The following CNST variants were observed in gnomAD, a reference collection of about 807,000 sequenced individuals.
CNST encodes the protein consortin, connexin sorting protein.
A neutral mutation model predicts 72.4 loss-of-function variants in CNST; 39 were observed. The observed-to-expected ratio is 0.54, with a 90% CI of 0.42 to 0.70. The LOEUF (loss-of-function observed/expected upper bound fraction) is 0.70, where lower values mean the gene tolerates loss of function less well. Among genes scored for constraint, CNST ranks in the 30% least tolerant of loss-of-function variants. CNST has a pLI of 0.00. For synonymous variants in CNST, 332 were observed against 320.1 expected, an observed-to-expected ratio of 1.04 and a Z score of -0.40; for missense variants, 871 against 868.5, an observed-to-expected ratio of 1.00 and a Z score of -0.04.
chr1:246,659,013 G>C (rs936593231), intron 9 of CNST, among the ~76,000 whole-genome samples: 1 of 152,190 alleles, frequency 6.6e-6, no homozygotes, highest in African/African-American at 2.4e-5. Context: ...ATAGGCAGGA[G>C]AGAGGCAGCC....
intron 6 of CNST, among the ~76,000 whole-genome samples, chr1:246,636,561 A>G (rs548984234): frequency 2.0e-5 from 3 of 152,256 alleles, no homozygotes; most frequent in East Asian, 1.9e-4. Context: ...AGGGATGGAA[A>G]TACCACGGGT....
rs1667440153 is a variant in CNST, at chr1:246,667,623, C to A, written c.*1718C>A. Reference sequence around the variant, plus strand: ...TTTATTAGAAGATTATTTTAATGTTCTATTATAAATTTTAAGAATTTGTAT... The same window carrying A: ...TTTATTAGAAGATTATTTTAATGTTATATTATAAATTTTAAGAATTTGTAT... On this transcript the variant is annotated 3_prime_UTR_variant, in exon 11 of 11. Coordinates refer to ENST00000366513, the MANE Select transcript of CNST (RefSeq NM_152609.3). 6.6e-6 allele frequency: 1 copy of A among 151,998 alleles called. No homozygotes were observed. The highest frequency in any genetic ancestry group is 6.5e-5 in the Admixed American group (1 of 15,268). 9.4% of individuals were successfully genotyped at this position (151,998 alleles called of 1,614,324 possible).
chr1:246,589,423 G>T (rs1480722293), intron 1 of CNST, among the ~76,000 whole-genome samples: 1 of 151,198 alleles, frequency 6.6e-6, no homozygotes, highest in Non-Finnish European at 1.5e-5. Flanking sequence ...CTTCATCCAT[G>T]TCCCTACAAA....
chr1:246,658,033 G>GT (rs1185013803), intron 9 of CNST, among the ~76,000 whole-genome samples: 15 of 152,162 alleles, frequency 9.9e-5, no homozygotes, highest in Non-Finnish European at 2.1e-4. Flanking sequence ...TTCACCATTG[G>GT]TAAGTGTATG....
chr1:246,576,194 C>T (rs1301765859), intron 1 of CNST, among the ~76,000 whole-genome samples: 2 of 126,534 alleles, frequency 1.6e-5, no homozygotes, highest in African/African-American at 6.3e-5. Context: ...GAAATGGCGC[C>T]ATTGCACTCC....
At chr1:246,615,881 A>G (rs1484639818) in intron 2 of CNST, among the ~76,000 whole-genome samples, 4 of 149,564 alleles carry the variant, frequency 2.7e-5, no homozygotes, top group African/African-American at 7.3e-5. Flanking sequence ...CTCCATCTCA[A>G]AAAAAAAAAG....
Position 246,591,813 on chromosome 1 carries a change from G to A in CNST, c.251G>A (p.Gly84Asp), listed in dbSNP as rs1661562099. The A allele has an allele frequency of 6.2e-7, 1 of 1,613,956 alleles. No homozygotes were observed. The highest frequency in any genetic ancestry group is 1.3e-5 in the African/African-American group (1 of 74,902). ...SCTLSCEVAA[G>D]ENLQNTLCEA... ...ACATTGAGCTGCGAGGTGGCTGCAG[G>A]TGAGAACTTGCAAAACACCCTTTGT... The change falls in exon 2 of 11, where the codon GGT (glycine) becomes GAT (aspartate). Residue 84 changes from glycine (G) to aspartate (D), a missense_variant. By Grantham distance (94) the Gly-to-Asp change is moderately conservative (BLOSUM62 -1). Coordinates refer to ENST00000366513, the MANE Select transcript of CNST (RefSeq NM_152609.3).
chr1:246,646,714 A>G (rs1666099276), intron 8 of CNST, among the ~76,000 whole-genome samples: 1 of 152,204 alleles, frequency 6.6e-6, no homozygotes, highest in Non-Finnish European at 1.5e-5. Flanking sequence ...TCCCGACCTC[A>G]GGTGATCCGC....
chr1:246,659,488 C>A (rs1042103922), intron 9 of CNST, among the ~76,000 whole-genome samples: 6 of 151,740 alleles, frequency 4.0e-5, no homozygotes, highest in South Asian at 2.1e-4. Flanking sequence ...CCAGCTACCC[C>A]GGAGGCTGAG....
intron 2 of CNST, among the ~76,000 whole-genome samples, chr1:246,609,813 C>G (rs541866414): frequency 6.6e-6 from 1 of 152,302 alleles, no homozygotes; most frequent in South Asian, 2.1e-4. Context: ...TGCAATGACT[C>G]AAAGACCCAT....
intron 10 of CNST, among the ~76,000 whole-genome samples, chr1:246,665,452 T>C (rs756932146): frequency 4.6e-5 from 7 of 152,250 alleles, no homozygotes. Context: ...CATGGAGTGA[T>C]TCTGTCCATT....
chr1:246,639,957 T>A (rs1278727299), intron 6 of CNST, among the ~76,000 whole-genome samples: 2 of 152,214 alleles, frequency 1.3e-5, no homozygotes, highest in Non-Finnish European at 2.9e-5. Flanking sequence ...GGGATACGTG[T>A]CTTCCGGCCA....
chr1:246,634,979 G>A (rs1665078481), intron 6 of CNST, among the ~76,000 whole-genome samples: 1 of 152,104 alleles, frequency 6.6e-6, no homozygotes, highest in Non-Finnish European at 1.5e-5. Context: ...CGGGGTGCGT[G>A]TCTTCCGGCC....
intron 9 of CNST, 128 bp from the exon 10 acceptor site, chr1:246,660,065 GTTATTT>G: frequency 1.5e-6 from 1 of 688,872 alleles, no homozygotes; most frequent in Non-Finnish European, 2.4e-6. Flanking sequence ...AGATTTTGAT[GTTATTT>G]TTTTCTATAG....
chr1:246,570,720 A>G (rs1660019562), intron 1 of CNST, among the ~76,000 whole-genome samples: 1 of 152,238 alleles, frequency 6.6e-6, no homozygotes, highest in African/African-American at 2.4e-5. Flanking sequence ...TTAAAACTAG[A>G]TAGCTGTTTA....
chr1:246,649,416 G>A (rs1393481757), intron 9 of CNST, among the ~76,000 whole-genome samples: 12 of 152,128 alleles, frequency 7.9e-5, no homozygotes, highest in Admixed American at 3.9e-4. Context: ...CACTTAATCC[G>A]GTATTCATTC....
intron 1 of CNST, among the ~76,000 whole-genome samples, chr1:246,590,938 A>G (rs1369790039): frequency 2.0e-5 from 3 of 151,736 alleles, no homozygotes; most frequent in African/African-American, 7.3e-5. Context: ...TTTTTAGGAA[A>G]TAAAAAATAA....
chr1:246,575,499 A>G (rs1380681388), intron 1 of CNST, among the ~76,000 whole-genome samples: 1 of 152,176 alleles, frequency 6.6e-6, no homozygotes, highest in African/African-American at 2.4e-5. Context: ...TTTACGTGAA[A>G]TGTCCAGAAT....
rs779152228 is a variant in CNST at position 246,647,754 on chromosome 1, A to G, written c.1553A>G (p.Asp518Gly). 5.6e-6 allele frequency: 9 copies of G among 1,614,058 alleles called. No individual in the cohort carries two copies. The highest frequency in any genetic ancestry group is 6.8e-6 in the Non-Finnish European group (8 of 1,180,056). The change falls in exon 9 of 11, where the codon GAC becomes GGC. Residue 518 changes from aspartate to glycine, a missense_variant. Transcript: ENST00000366513. Reference protein sequence around the residue: ...NVLCGNNQISDLGILLPEVCM... With the variant: ...NVLCGNNQISGLGILLPEVCM... ...CTCTGTGGAAATAATCAAATATCTG[A>G]CTTAGGCATACTGCTTCCAGAGGTG...
Sources: gnomAD v4.1 joint callset for allele counts (sites outside exome capture counted in the v4.1 genomes callset) on GRCh38, gnomAD v4.1.1 for gene constraint, MANE v1.5 for transcripts, NCBI Gene and HGNC (gene_info 2026-07-23, HGNC 2026-07-21) for gene names.